HAT1: variants seen among roughly 807,000 people sequenced by gnomAD.
The protein encoded by HAT1 is histone acetyltransferase 1.
In HAT1, 20 loss-of-function variants were observed where a neutral mutation model predicts 56.6. The ratio of observed to expected loss-of-function variants is 0.35; its 90% CI spans 0.25 to 0.51. The LOEUF (loss-of-function observed/expected upper bound fraction) is 0.51. HAT1 is among the 20% of genes least tolerant of loss of function. The probability of loss-of-function intolerance (pLI) is 0.95; values close to 1 mark genes in which losing one functional copy is unlikely to be tolerated. For synonymous variants in HAT1, 146 were observed against 165.5 expected (o/e 0.88, Z 0.91); for missense variants, 408 against 504.3 (o/e 0.81, Z 1.83).
intron 10 of HAT1, among the ~76,000 whole-genome samples, chr2:171,982,538 G>A (rs111540323): frequency 1.3e-5 from 2 of 152,236 alleles, no homozygotes; most frequent in African/African-American, 4.8e-5. Context: ...CTGACACAGT[G>A]TCCTGCATAA....
chr2:171,957,227 G>T (rs1687469362), intron 4 of HAT1, among the ~76,000 whole-genome samples: 1 of 152,226 alleles, frequency 6.6e-6, no homozygotes, highest in South Asian at 2.1e-4. Flanking sequence ...TACCTTTAAA[G>T]AAAGTGGAAG....
chr2:171,929,669 G>T (rs1686688845), intron 2 of HAT1, among the ~76,000 whole-genome samples: 1 of 152,168 alleles, frequency 6.6e-6, no homozygotes, highest in South Asian at 2.1e-4. Context: ...AGGGATTAAG[G>T]TTTGTTGTTC....
chr2:171,959,536 T>C (rs928783358), intron 4 of HAT1, among the ~76,000 whole-genome samples: 1 of 152,280 alleles, frequency 6.6e-6, no homozygotes, highest in African/African-American at 2.4e-5. Context: ...ATCAATCTTT[T>C]ATAATGTCTC....
chr2:171,924,905 G>A (rs1686544057), intron 1 of HAT1: 1 of 152,056 alleles, frequency 6.6e-6, no homozygotes, highest in South Asian at 2.1e-4. Flanking sequence ...TGAAAAAGAC[G>A]ACTTAGGTAT....
chr2:171,948,106 C>A (rs1687217140), intron 3 of HAT1, among the ~76,000 whole-genome samples: 1 of 152,156 alleles, frequency 6.6e-6, no homozygotes, highest in Non-Finnish European at 1.5e-5. Context: ...ATCATTCTCT[C>A]CTTGTTGTTG....
chr2:171,946,068 T>TG (rs1687155650), intron 2 of HAT1, among the ~76,000 whole-genome samples: 1 of 152,178 alleles, frequency 6.6e-6, no homozygotes, highest in Non-Finnish European at 1.5e-5. Context: ...CCTCCCAAAG[T>TG]GCTGGGATTA....
At chr2:171,965,997 A>C in intron 6 of HAT1, 89 bp downstream of exon 6, 1 of 1,152,068 alleles carries the variant, frequency 8.7e-7, no homozygotes, top group Non-Finnish European at 1.2e-6. Flanking sequence ...GGGACAGTAT[A>C]ATGATATTTT....
At chr2:171,971,525 G>C (rs930726844) in intron 8 of HAT1, among the ~76,000 whole-genome samples, 9 of 152,152 alleles carry the variant, frequency 5.9e-5, no homozygotes, top group Admixed American at 6.5e-5. Flanking sequence ...ATATCCAGCT[G>C]TCCTGGCACC....
chr2:171,925,221 C>T (rs1401608200), intron 1 of HAT1, among the ~76,000 whole-genome samples: 3 of 151,756 alleles, frequency 2.0e-5, no homozygotes, highest in South Asian at 2.1e-4. Flanking sequence ...TACAGGCGCC[C>T]GTCACCGTGC....
At chr2:171,932,939 G>A (rs748834238) in intron 2 of HAT1, among the ~76,000 whole-genome samples, 2 of 152,118 alleles carry the variant, frequency 1.3e-5, no homozygotes, top group Non-Finnish European at 2.9e-5. Flanking sequence ...TTTTCTCTTT[G>A]TCTTTTAATG....
chr2:171,978,922 CAAAAAAAAA>C (rs3838506), intron 9 of HAT1, among the ~76,000 whole-genome samples: 2 of 69,174 alleles, frequency 2.9e-5, no homozygotes, highest in African/African-American at 5.9e-5. Flanking sequence ...CCCATTTCTA[CAAAAAAAAA>C]AAAAAAAAAA....
intron 2 of HAT1, among the ~76,000 whole-genome samples, chr2:171,943,400 G>C (rs2105316355): frequency 1.1e-5 from 1 of 88,610 alleles, no homozygotes; most frequent in East Asian, 3.9e-4. Flanking sequence ...GACAGAGAGA[G>C]ACTCTGTCTC....
At chr2:171,962,087 T>A (rs1393092000) in intron 4 of HAT1, among the ~76,000 whole-genome samples, 2 of 152,112 alleles carry the variant, frequency 1.3e-5, no homozygotes, top group Admixed American at 1.3e-4. Flanking sequence ...GGTTTTCAAA[T>A]GTGTATAAAT....
chr2:171,968,921 CAGAT>C (rs1364244157), intron 8 of HAT1, among the ~76,000 whole-genome samples: 3 of 152,132 alleles, frequency 2.0e-5, no homozygotes, highest in Admixed American at 6.5e-5. Context: ...GCTTACTTGA[CAGAT>C]AGCCAGATCT....
At chr2:171,926,916 G>T (rs994430157) in intron 2 of HAT1, among the ~76,000 whole-genome samples, 5 of 152,142 alleles carry the variant, frequency 3.3e-5, no homozygotes, top group Non-Finnish European at 7.4e-5. Flanking sequence ...TATATCAGCT[G>T]GTAAATGAAT....
intron 8 of HAT1, among the ~76,000 whole-genome samples, chr2:171,975,254 G>A (rs922606641): frequency 9.2e-5 from 14 of 151,930 alleles, no homozygotes; most frequent in Admixed American, 2.0e-4. Context: ...ACAGGCCTGC[G>A]CCACCACTCA....
At chr2:171,957,926 C>T (rs888954279) in intron 4 of HAT1, among the ~76,000 whole-genome samples, 13 of 152,118 alleles carry the variant, frequency 8.5e-5, no homozygotes, top group Admixed American at 5.9e-4. Flanking sequence ...AAATATATTA[C>T]TTCATACTGT....
chr2:171,967,673 T>G (rs1476163866), intron 8 of HAT1, among the ~76,000 whole-genome samples: 1 of 152,134 alleles, frequency 6.6e-6, no homozygotes, highest in Non-Finnish European at 1.5e-5. Flanking sequence ...AAATTTGTTG[T>G]TCATAAAATT....
intron 9 of HAT1, 114 bp downstream of exon 9, chr2:171,976,422 A>G (rs976364115): frequency 2.2e-5 from 11 of 509,608 alleles, no homozygotes; most frequent in African/African-American, 9.8e-5. Context: ...GGAACTAGCA[A>G]TGGTTAACAG....
Sources: allele counts gnomAD v4.1 joint callset (sites outside exome capture counted in the v4.1 genomes callset), GRCh38; gene constraint gnomAD v4.1.1; transcripts MANE v1.5; gene names NCBI Gene and HGNC (gene_info 2026-07-23, HGNC 2026-07-21).